Variants in SLC25A48 observed in about 807,000 individuals in gnomAD.
SLC25A48 encodes CTC-321K16.1.
In SLC25A48, 29 loss-of-function variants were observed where a neutral mutation model predicts 32.2. The observed-to-expected ratio is 0.90, with a 90% CI of 0.67 to 1.23. The LOEUF (loss-of-function observed/expected upper bound fraction) is 1.23. SLC25A48 is among the 50% of genes most tolerant of loss of function. The pLI is 0.00. For missense variants in SLC25A48, 399 were observed against 422.7 expected (o/e 0.94, Z 0.49); for synonymous variants, 164 against 172.3 (o/e 0.95, Z 0.38).
intron 7 of SLC25A48, among the ~76,000 whole-genome samples, chr5:135,886,895 C>A (rs536605537): frequency 6.6e-6 from 1 of 151,618 alleles, no homozygotes; most frequent in Non-Finnish European, 1.5e-5. Flanking sequence ...AGCCAAGCAC[C>A]AGTTTTGGTG....
At chr5:135,729,765 G>A (rs753543816) in intron 3 of SLC25A48, among the ~76,000 whole-genome samples, 2 of 152,092 alleles carry the variant, frequency 1.3e-5, no homozygotes, top group Non-Finnish European at 2.9e-5. Flanking sequence ...GGCTATATGA[G>A]TTTCCTTCTC....
chr5:135,672,936 A>G (rs1753688859), intron 3 of SLC25A48, among the ~76,000 whole-genome samples: 1 of 152,194 alleles, frequency 6.6e-6, no homozygotes, highest in South Asian at 2.1e-4. Flanking sequence ...CTGTCAATAT[A>G]GATTAATTTG....
chr5:135,729,797 C>G (rs961941024), intron 3 of SLC25A48, among the ~76,000 whole-genome samples: 4 of 152,120 alleles, frequency 2.6e-5, no homozygotes, highest in African/African-American at 9.7e-5. Context: ...ATAGGAAGTA[C>G]ATTTTATATA....
chr5:135,620,329 C>T (rs1205466707), intron 1 of SLC25A48, among the ~76,000 whole-genome samples: 2 of 152,110 alleles, frequency 1.3e-5, no homozygotes, highest in Non-Finnish European at 2.9e-5. Flanking sequence ...GGGGATGGAG[C>T]TGAGCTGGGC....
intron 3 of SLC25A48, among the ~76,000 whole-genome samples, chr5:135,743,173 G>A (rs2127002198): frequency 2.2e-5 from 3 of 137,346 alleles, no homozygotes; most frequent in South Asian, 5.2e-4. Context: ...CTGGGTTCAA[G>A]TGATTCTCCT....
chr5:135,669,298 G>A (rs1247985534), intron 3 of SLC25A48, among the ~76,000 whole-genome samples: 2 of 152,146 alleles, frequency 1.3e-5, no homozygotes, highest in African/African-American at 4.8e-5. Context: ...TCTGGGGCCT[G>A]GAGGTGGGAA....
At chr5:135,827,069 T>C (rs1268208640) in intron 4 of SLC25A48, 1 of 152,320 alleles carries the variant, frequency 6.6e-6, no homozygotes, top group Non-Finnish European at 1.5e-5. Context: ...CAGGCTCACC[T>C]GGTGAGTGGC....
At chr5:135,712,590 T>C (rs879797744) in intron 3 of SLC25A48, among the ~76,000 whole-genome samples, 2 of 152,246 alleles carry the variant, frequency 1.3e-5, no homozygotes, top group Non-Finnish European at 1.5e-5. Flanking sequence ...TACCTCATCA[T>C]GAGGATACTT....
intron 4 of SLC25A48, among the ~76,000 whole-genome samples, chr5:135,861,813 A>G (rs1469662998): frequency 6.6e-6 from 1 of 152,216 alleles, no homozygotes; most frequent in African/African-American, 2.4e-5. Flanking sequence ...ATTGTTATCC[A>G]GAAGAGTTTT....
At chr5:135,771,813 G>A (rs957882461) in intron 3 of SLC25A48, among the ~76,000 whole-genome samples, 3 of 151,328 alleles carry the variant, frequency 2.0e-5, no homozygotes, top group Admixed American at 6.6e-5. Context: ...AATATTTAGG[G>A]GGGGGAGAAC....
chr5:135,690,250 G>A (rs1411511731), intron 3 of SLC25A48, among the ~76,000 whole-genome samples: 1 of 152,156 alleles, frequency 6.6e-6, no homozygotes, highest in African/African-American at 2.4e-5. Flanking sequence ...AATGTGGGAA[G>A]ACTCATAATG....
intron 3 of SLC25A48, among the ~76,000 whole-genome samples, chr5:135,724,048 A>C (rs1755032322): frequency 6.6e-6 from 1 of 152,176 alleles, no homozygotes; most frequent in African/African-American, 2.4e-5. Context: ...GATCCCTTGC[A>C]CACATGGTTT....
In SLC25A48 at chr5:135,881,359, G is replaced by A. The variant is rs1003346608; in HGVS notation, c.*7+1262G>A. On this transcript the variant is annotated intron_variant, in intron 7 of 7. Transcript: ENST00000681962. ...ACGGCAGAGCCCTGCCAGGGTGCACGGGTGGTGCCAGAACCTGGACAAAGG... is the reference window on the plus strand; with the variant it reads ...ACGGCAGAGCCCTGCCAGGGTGCACAGGTGGTGCCAGAACCTGGACAAAGG... Among the ~76,000 whole-genome samples the A allele has an allele frequency of 4.6e-5, 7 of 152,236 alleles. No homozygotes were observed. The South Asian group carries it at 1.2e-3, about 27-fold the overall frequency.
At position 135,782,540 on chromosome 5, in the gene SLC25A48, T is replaced by C. The variant is rs1756739985; in HGVS notation, c.-520-29983T>C. Among the ~76,000 whole-genome samples the C allele has an allele frequency of 1.7e-5, 2 of 117,028 alleles. 1 individual carries two copies. Among genetic ancestry groups the C allele is most frequent in the African/African-American group, 5.2e-5 (2 of 38,486 alleles). 76.8% of individuals were successfully genotyped at this position (117,028 alleles called of 152,430 possible). ...TCCTAATATCCAGGGAAGGAGAGGA[T>C]GATATTACTTTTAATATGGTAGGGA... On this transcript the variant is annotated intron_variant, in intron 3 of 10. Transcript: ENST00000646290.
chr5:135,859,136 A>G lies in SLC25A48; in HGVS notation c.421+6315A>G, dbSNP rs186655138. ...AGCTAACATACATGTAACCTCCTATATTAGTCCAATCTCTTGCCACTAATA... is the reference window on the plus strand; with the variant it reads ...AGCTAACATACATGTAACCTCCTATGTTAGTCCAATCTCTTGCCACTAATA... On this transcript the variant is annotated intron_variant, in intron 4 of 7. Coordinates refer to ENST00000681962, the MANE Select transcript of SLC25A48 (RefSeq NM_001349336.2). Among the ~76,000 whole-genome samples the G allele has an allele frequency of 1.5e-3, 232 of 152,300 alleles. 2 individuals carry two copies. The highest frequency in any genetic ancestry group is 5.4e-3 in the African/African-American group (224 of 41,558).
intron 3 of SLC25A48, among the ~76,000 whole-genome samples, chr5:135,773,186 C>A (rs12374549): frequency 0.3 from 45,757 of 151,030 alleles, 7,068 homozygotes; most frequent in East Asian, 0.46. Flanking sequence ...AGGGGGTATA[C>A]ACCCTCCCTG....
chr5:135,593,996 C>G (rs1331336158), intron 1 of SLC25A48, among the ~76,000 whole-genome samples: 1 of 152,198 alleles, frequency 6.6e-6, no homozygotes, highest in African/African-American at 2.4e-5. Context: ...TTACCTGGCA[C>G]AGTATCTGAT....
intron 1 of SLC25A48, among the ~76,000 whole-genome samples, chr5:135,581,888 G>T (rs933177836): frequency 6.6e-6 from 1 of 150,988 alleles, no homozygotes; most frequent in Non-Finnish European, 1.5e-5. Flanking sequence ...AGGGGGCTTG[G>T]CCCCTGACAC....
At chr5:135,582,130 C>T (rs1580698791) in intron 1 of SLC25A48, among the ~76,000 whole-genome samples, 1 of 152,154 alleles carries the variant, frequency 6.6e-6, no homozygotes, top group Non-Finnish European at 1.5e-5. Context: ...AGTGTGGGGG[C>T]ACAGAGGAGG....
Sources: gnomAD v4.1 joint callset for allele counts (sites outside exome capture counted in the v4.1 genomes callset) on GRCh38, gnomAD v4.1.1 for gene constraint, MANE v1.5 for transcripts, NCBI Gene and HGNC (gene_info 2026-07-23, HGNC 2026-07-21) for gene names.